The following GOLGA5 variants were observed in gnomAD, a reference collection of about 807,000 sequenced individuals.
The protein encoded by GOLGA5 is golgin A5, also known as golgin subfamily A member 5.
In GOLGA5, 50 loss-of-function variants were observed where a neutral mutation model predicts 93.5. The ratio of observed to expected loss-of-function variants is 0.53; its 90% CI spans 0.43 to 0.68. GOLGA5 has a LOEUF of 0.68. Among genes scored for constraint, GOLGA5 ranks in the 30% least tolerant of loss-of-function variants. The pLI is 0.00. For missense variants in GOLGA5, 760 were observed against 856.4 expected (o/e 0.89, Z 1.40); for synonymous variants, 312 against 304.5 (o/e 1.02, Z -0.26).
intron 8 of GOLGA5, among the ~76,000 whole-genome samples, chr14:92,820,085 GT>G (rs201690124): frequency 0.015 from 2,359 of 152,288 alleles, 53 homozygotes; most frequent in African/African-American, 0.05. Context: ...AGAAAGAACA[GT>G]GGGCCCAGGA....
chr14:92,832,457 A>G (rs773500071), intron 9 of GOLGA5, among the ~76,000 whole-genome samples: 24 of 152,208 alleles, frequency 1.6e-4, no homozygotes, highest in Non-Finnish European at 2.6e-4. Flanking sequence ...ATAAGACCAG[A>G]TGGAAGATGG....
chr14:92,816,456 A>G (rs1457598981), intron 7 of GOLGA5, 35 bp downstream of exon 7: 15 of 1,571,546 alleles, frequency 9.5e-6, no homozygotes, highest in Non-Finnish European at 1.2e-5. Context: ...AGTAGACACC[A>G]TTTACCCTCA....
rs1244686458 is a variant in GOLGA5 at position 92,806,872 on chromosome 14, T to A, written c.681T>A (p.Leu227=). ...DDGKSHELSN[L]RLENQLLRNE... is the part of the protein sequence containing the mutation. ...GCAAATCACATGAACTGTCTAACCT[T>A]CGACTGGAGAATCAGCTGCTGAGGA... The change falls in exon 3 of 13, where the codon CTT becomes CTA. Residue 227 remains leucine (L), a synonymous_variant. Coordinates refer to ENST00000163416, the MANE Select transcript of GOLGA5 (RefSeq NM_005113.4). The A allele has an allele frequency of 6.2e-7, 1 of 1,613,914 alleles. No individual in the cohort carries two copies. The highest frequency in any genetic ancestry group is 1.1e-5 in the South Asian group (1 of 91,074).
chr14:92,837,534 G>A, intron 12 of GOLGA5, 85 bp downstream of exon 12: 1 of 704,506 alleles, frequency 1.4e-6, no homozygotes. Flanking sequence ...TTTGGCTACA[G>A]ATCTTATTGA....
intron 2 of GOLGA5, among the ~76,000 whole-genome samples, chr14:92,804,340 A>G (rs1884936253): frequency 6.6e-6 from 1 of 151,966 alleles, no homozygotes; most frequent in Admixed American, 6.6e-5. Flanking sequence ...TGCTGGGATT[A>G]CAGGCGTGAG....
In GOLGA5 at chr14:92,810,359, G is replaced by A; in HGVS notation, c.1098G>A (p.Glu366=). Residue 366 remains glutamate (E), a synonymous_variant, in exon 5 of 13, where the codon GAG becomes GAA. Transcript: ENST00000163416. Reference sequence around the variant, plus strand: ...ATGCCACTCTGAAGAGAGAGCAGGAGAGCTATAAACAGATGCAGGTTAGAA... The same window carrying A: ...ATGCCACTCTGAAGAGAGAGCAGGAAAGCTATAAACAGATGCAGGTTAGAA... ...EADATLKREQ[E]SYKQMQSEFA... is the part of the protein sequence containing the mutation. 6.2e-7 allele frequency: 1 copy of A among 1,602,852 alleles called. No individual in the cohort carries two copies. Among genetic ancestry groups the A allele is most frequent in the African/African-American group, 1.3e-5 (1 of 74,288 alleles).
chr14:92,819,199 G>A (rs1158636784), intron 7 of GOLGA5, among the ~76,000 whole-genome samples: 1 of 152,160 alleles, frequency 6.6e-6, no homozygotes, highest in African/African-American at 2.4e-5. Context: ...AAACCACATG[G>A]CTTATGTGCT....
chr14:92,835,422 G>A, intron 10 of GOLGA5, 137 bp from the exon 11 acceptor site: 1 of 479,396 alleles, frequency 2.1e-6, no homozygotes, highest in South Asian at 5.0e-5. Context: ...TTTCTTTATA[G>A]TTTCATCTAC....
At chr14:92,808,136 A>G (rs2140317933) in intron 3 of GOLGA5, among the ~76,000 whole-genome samples, 1 of 152,264 alleles carries the variant, frequency 6.6e-6, no homozygotes, top group South Asian at 2.1e-4. Flanking sequence ...CAGGAGGCTG[A>G]GGGAGGAGAA....
intron 11 of GOLGA5, 61 bp from the exon 12 acceptor site, chr14:92,837,325 A>T (rs754202529): frequency 2.5e-6 from 2 of 797,160 alleles, no homozygotes; most frequent in Non-Finnish European, 4.3e-6. Context: ...TTACCACAGG[A>T]AGATTTGTTT....
At chr14:92,820,307 T>C (rs1473081921) in intron 8 of GOLGA5, among the ~76,000 whole-genome samples, 2 of 152,242 alleles carry the variant, frequency 1.3e-5, no homozygotes, top group African/African-American at 4.8e-5. Flanking sequence ...GATGTGCACG[T>C]AGGCCAGATT....
Position 92,839,640 on chromosome 14 carries a change from CAG to C in GOLGA5, c.*196_*197del. The C allele has an allele frequency of 3.4e-6, 2 of 592,470 alleles. No individual in the cohort carries two copies. Among genetic ancestry groups the C allele is most frequent in the South Asian group, 2.1e-5 (1 of 46,990 alleles). The allele number at this position is 592,470 out of a possible 1,614,324, so 36.7% of individuals were successfully genotyped here. ...CTTTAAATGGTAAGAGTTTCTAAAA[CAG>C]ACAATAATTTAACAAGCTCAGCTCT... On this transcript the variant is annotated 3_prime_UTR_variant, in exon 13 of 13. Coordinates refer to ENST00000163416, the MANE Select transcript of GOLGA5 (RefSeq NM_005113.4).
At chr14:92,823,533 A>G (rs900638763) in intron 8 of GOLGA5, among the ~76,000 whole-genome samples, 12 of 149,276 alleles carry the variant, frequency 8.0e-5, no homozygotes, top group Admixed American at 5.3e-4. Context: ...TCCCACGTCA[A>G]CCTCCTGAGT....
rs1424617844 is a variant in GOLGA5, at chr14:92,809,191, A to G, written c.773-109A>G. ...AAAATTGAAGACGTGTAAGTTCCCA[A>G]TTTTGTCAATAAGGAAAGTACTAAA... On this transcript the variant is annotated intron_variant, in intron 3 of 12. Transcript: ENST00000163416. The G allele has an allele frequency of 7.2e-6, 5 of 698,804 alleles. No homozygotes were observed. In the African/African-American group the frequency reaches 9.0e-5, roughly 13 times the overall value. 43.3% of individuals were successfully genotyped at this position (698,804 alleles called of 1,614,324 possible).
At chr14:92,804,342 A>C (rs1256761998) in intron 2 of GOLGA5, among the ~76,000 whole-genome samples, 1 of 152,062 alleles carries the variant, frequency 6.6e-6, no homozygotes, top group Non-Finnish European at 1.5e-5. Flanking sequence ...CTGGGATTAC[A>C]GGCGTGAGCC....
Position 92,796,946 on chromosome 14 carries a change from C to G in GOLGA5, c.-30-462C>G, listed in dbSNP as rs574811339. On this transcript the variant is annotated intron_variant, in intron 1 of 12. Coordinates refer to ENST00000163416, the MANE Select transcript of GOLGA5 (RefSeq NM_005113.4). ...GATTGCGCCACTGCAGTCCGCAGTCCGGCCTGGGCGACAGAGCGAGACTCC... is the reference window on the plus strand; with the variant it reads ...GATTGCGCCACTGCAGTCCGCAGTCGGGCCTGGGCGACAGAGCGAGACTCC... 2.8e-3 allele frequency among the ~76,000 whole-genome samples: 320 copies of G among 116,208 alleles called. 3 individuals carry two copies. The highest frequency in any genetic ancestry group is 0.011 in the African/African-American group (299 of 27,982). The allele number at this position is 116,208 out of a possible 152,430, so 76.2% of individuals were successfully genotyped here.
At chr14:92,831,225 G>A (rs1188055430) in intron 9 of GOLGA5, among the ~76,000 whole-genome samples, 2 of 152,156 alleles carry the variant, frequency 1.3e-5, no homozygotes, top group Non-Finnish European at 2.9e-5. Flanking sequence ...TAAGGCTAAC[G>A]TACATCTAAC....
chr14:92,812,006 A>G (rs1330274227), intron 6 of GOLGA5, among the ~76,000 whole-genome samples: 1 of 152,274 alleles, frequency 6.6e-6, no homozygotes, highest in East Asian at 1.9e-4. Context: ...ACTCACTGTG[A>G]TGATATTAAT....
chr14:92,825,731 C>G (rs190463983), intron 9 of GOLGA5, among the ~76,000 whole-genome samples: 2 of 151,586 alleles, frequency 1.3e-5, no homozygotes, highest in Admixed American at 1.3e-4. Flanking sequence ...GTGGCACACA[C>G]CTGTAGTTCT....
Sources: gnomAD v4.1 joint callset for allele counts (sites outside exome capture counted in the v4.1 genomes callset) on GRCh38, gnomAD v4.1.1 for gene constraint, MANE v1.5 for transcripts, NCBI Gene and HGNC (gene_info 2026-07-23, HGNC 2026-07-21) for gene names.